Variants in SCLY observed in about 807,000 individuals in gnomAD.
SCLY encodes selenocysteine lyase.
A neutral mutation model predicts 50.1 loss-of-function variants in SCLY; 38 were observed. That is an observed-to-expected ratio of 0.76 (90% CI 0.59 to 0.99). The LOEUF (loss-of-function observed/expected upper bound fraction) is 0.99, where lower values mean the gene tolerates loss of function less well. SCLY is among the 50% of genes least tolerant of loss of function. SCLY has a pLI of 0.00. For missense variants in SCLY, 600 were observed against 620.0 expected (o/e 0.97, Z 0.34); for synonymous variants, 243 against 249.4 (o/e 0.97, Z 0.24).
chr2:238,067,945 G>C lies in SCLY; in HGVS notation c.203-120G>C. 1 of 668,694 alleles carries C rather than the reference G, an allele frequency of 1.5e-6. No individual in the cohort carries two copies. Among genetic ancestry groups the C allele is most frequent in the South Asian group, 2.1e-5 (1 of 47,302 alleles). The allele number at this position is 668,694 out of a possible 1,614,324, so 41.4% of individuals were successfully genotyped here. On this transcript the variant is annotated intron_variant, in intron 2 of 11. Transcript: ENST00000254663. This position sits in a 1 kb window ranked among gnomAD's most constrained non-coding sequence, Gnocchi z 4.3. ...TTGCTGTGCTCACATTAAGGGGCCA[G>C]GTTTTGTCTTAGAACGGCCCACGCA...
At chr2:238,091,551 A>C in intron 8 of SCLY, 5 of 404,486 alleles carry the variant, frequency 1.2e-5, no homozygotes, top group East Asian at 9.8e-5. Context: ...CAGGTTCACC[A>C]TTCCCAAAGG....
At position 238,067,786 on chromosome 2, in the gene SCLY, G is replaced by C. The variant is rs115672985; in HGVS notation, c.203-279G>C. Among the ~76,000 whole-genome samples, 2,346 of 152,298 alleles carry C rather than the reference G, an allele frequency of 0.015. 63 individuals carry two copies. The highest frequency in any genetic ancestry group is 0.053 in the African/African-American group (2,213 of 41,554). ...CCAGTAAGAAGAAAGCCACATCTTG[G>C]GGGACGTCCAGGTTCATAGCCAGAC... On this transcript the variant is annotated intron_variant, in intron 2 of 11. Coordinates refer to ENST00000254663, the MANE Select transcript of SCLY (RefSeq NM_016510.7). This position sits in a 1 kb window ranked among gnomAD's most constrained non-coding sequence, Gnocchi z 4.3.
At chr2:238,072,418 G>A (rs910831831) in intron 4 of SCLY, among the ~76,000 whole-genome samples, 13 of 152,138 alleles carry the variant, frequency 8.5e-5, no homozygotes, top group South Asian at 2.1e-4. Context: ...TGGGTCATGC[G>A]GTAACTATCT....
chr2:238,091,558 A>G, intron 8 of SCLY: 13 of 318,952 alleles, frequency 4.1e-5, no homozygotes, highest in Admixed American at 9.2e-5. Flanking sequence ...ACCATTCCCA[A>G]AGGCGTCGGC....
intron 9 of SCLY, 31 bp from the exon 10 acceptor site, chr2:238,094,389 T>C: frequency 6.4e-7 from 1 of 1,562,820 alleles, no homozygotes; most frequent in Non-Finnish European, 8.8e-7. Context: ...TCTTTGAAGC[T>C]GTCACCAAAT....
Position 238,069,236 on chromosome 2 carries a change from T to A in SCLY, c.304-61T>A. 1 of 1,452,930 alleles carries A rather than the reference T, an allele frequency of 6.9e-7. No homozygotes were observed. The highest frequency in any genetic ancestry group is 1.8e-4 in the Middle Eastern group (1 of 5,710). 90.0% of individuals were successfully genotyped at this position (1,452,930 alleles called of 1,614,324 possible). ...AAAAGAAATTAAGTAACAGAAATTGTTGCTCTGACCCTTACCTCAGCACAG... is the reference window on the plus strand; with the variant it reads ...AAAAGAAATTAAGTAACAGAAATTGATGCTCTGACCCTTACCTCAGCACAG... On this transcript the variant is annotated intron_variant, in intron 3 of 11. Coordinates refer to ENST00000254663, the MANE Select transcript of SCLY (RefSeq NM_016510.7). The surrounding 1 kb of genome is among the most constrained non-coding windows in gnomAD (Gnocchi z 5.0).
At chr2:238,079,068 C>CTTTTTTTTTTTTTTTTTTTTTTTTTTT (rs59238768) in intron 4 of SCLY, 1 of 93,186 alleles carries the variant, frequency 1.1e-5, no homozygotes. Flanking sequence ...CTTTCTTTTT[C>CTTTTTTTTTTTTTTTTTTTTTTTTTTT]TTTTTTTTTT....
intron 4 of SCLY, among the ~76,000 whole-genome samples, chr2:238,076,733 AAAAAAG>A (rs58600115): frequency 0.051 from 3,979 of 78,210 alleles, 171 homozygotes; most frequent in African/African-American, 0.14. Context: ...AAAAAAAAAA[AAAAAAG>A]AGTGTATTGT....
intron 4 of SCLY, among the ~76,000 whole-genome samples, chr2:238,074,750 C>T (rs1450096550): frequency 6.6e-6 from 1 of 152,154 alleles, no homozygotes; most frequent in Non-Finnish European, 1.5e-5. Context: ...TCTCAAAGTG[C>T]TGGGATTATA....
At chr2:238,089,649 T>A (rs975126908) in intron 7 of SCLY, among the ~76,000 whole-genome samples, 8 of 22,626 alleles carry the variant, frequency 3.5e-4, no homozygotes, top group Non-Finnish European at 6.9e-4. Flanking sequence ...TTTTTTGCGA[T>A]TTTTTTTTTT....
At chr2:238,091,318 T>C (rs2065359927) in intron 8 of SCLY, 64 bp downstream of exon 8, 21 of 1,355,332 alleles carry the variant, frequency 1.5e-5, no homozygotes, top group Non-Finnish European at 2.2e-5. Flanking sequence ...CCAGCGGCTC[T>C]AGTAGGAATC....
In SCLY at chr2:238,068,058, C is replaced by T. The variant is rs1371617784; in HGVS notation, c.203-7C>T. ...ATGTTAATGAATTTCCTTTTTGGTC[C>T]CTCAAGGAAGAAAGGCCAAGGATAT... On this transcript the variant is annotated splice_polypyrimidine_tract_variant and splice_region_variant and intron_variant, in intron 2 of 11. Transcript: ENST00000254663. 1 of 1,600,132 alleles carries T rather than the reference C, an allele frequency of 6.2e-7. No homozygotes were observed. The highest frequency in any genetic ancestry group is 8.5e-7 in the Non-Finnish European group (1 of 1,173,866).
rs752191058 is a variant in SCLY at position 238,069,427 on chromosome 2, A to T, written c.434A>T (p.His145Leu). The T allele has an allele frequency of 1.9e-6, 3 of 1,613,856 alleles. No homozygotes were observed. The highest frequency in any genetic ancestry group is 2.7e-5 in the African/African-American group (2 of 74,942). ...CATTTCATTACTTCCTCGGTGGAAC[A>T]CGACTCCATCCGGCTGCCCCTGGAG... ...KPHFITSSVE[H>L]DSIRLPLEHL... The change falls in exon 4 of 12, where the codon CAC becomes CTC. Residue 145 changes from histidine (H) to leucine (L), a missense_variant. Physicochemically the swap from His to Leu is moderately conservative, Grantham distance 99. Coordinates refer to ENST00000254663, the MANE Select transcript of SCLY (RefSeq NM_016510.7). This position sits in a 1 kb window ranked among gnomAD's most constrained non-coding sequence, Gnocchi z 5.0.
intron 4 of SCLY, chr2:238,081,154 CG>C (rs2065232906): frequency 6.6e-6 from 1 of 152,408 alleles, no homozygotes; most frequent in Middle Eastern, 3.2e-3. Context: ...GATTCTTAGT[CG>C]GAGAAGTAGC....
intron 3 of SCLY, among the ~76,000 whole-genome samples, chr2:238,068,416 G>T (rs1319822367): frequency 1.3e-5 from 2 of 152,072 alleles, no homozygotes; most frequent in East Asian, 1.9e-4. Flanking sequence ...GGGCGTGGTG[G>T]TGTACACCTG....
rs565538715 is a variant in SCLY at position 238,086,985 on chromosome 2, C to T, written c.884+3631C>T. Reference sequence around the variant, plus strand: ...GGTGACCCGAGATCGCACCACTGCACGCCAGCCTGGGCAACAAGAGCAAAA... The same window carrying T: ...GGTGACCCGAGATCGCACCACTGCATGCCAGCCTGGGCAACAAGAGCAAAA... On this transcript the variant is annotated intron_variant, in intron 7 of 11. Transcript: ENST00000254663. 8.5e-4 allele frequency among the ~76,000 whole-genome samples: 128 copies of T among 150,140 alleles called. 3 individuals are homozygous for T. The South Asian group carries it at 0.021, about 25-fold the overall frequency.
chr2:238,095,607 G>T (rs1337425286), intron 10 of SCLY: 2 of 152,186 alleles, frequency 1.3e-5, no homozygotes, highest in South Asian at 4.1e-4. Context: ...AGTGAAGCCT[G>T]GGTCTCCTTG....
intron 5 of SCLY, 63 bp from the exon 6 acceptor site, chr2:238,081,982 T>C (rs1370274649): frequency 3.8e-6 from 6 of 1,585,420 alleles, no homozygotes; most frequent in Non-Finnish European, 5.2e-6. Flanking sequence ...CTACTCCTGA[T>C]TTCTGTCATT....
At chr2:238,091,518 AGCAGAGG>A in intron 8 of SCLY, 36 of 463,952 alleles carry the variant, frequency 7.8e-5, no homozygotes, top group Admixed American at 2.1e-4. Flanking sequence ...ATACTGTTAC[AGCAGAGG>A]TGAAGTGTCA....
Sources: allele counts gnomAD v4.1 joint callset (sites outside exome capture counted in the v4.1 genomes callset), GRCh38; gene constraint gnomAD v4.1.1; non-coding constraint Gnocchi (gnomAD v3.1); transcripts MANE v1.5; gene names NCBI Gene and HGNC (gene_info 2026-07-23, HGNC 2026-07-21).